The following MAOA variants were observed in gnomAD, a reference collection of about 807,000 sequenced individuals.
MAOA encodes the protein monoamine oxidase A.
Under a neutral mutation model 42.0 loss-of-function variants are expected in MAOA, and 6 were observed. The ratio of observed to expected loss-of-function variants is 0.14; its 90% confidence interval spans 0.08 to 0.28. The LOEUF (loss-of-function observed/expected upper bound fraction) is 0.28, where lower values mean the gene tolerates loss of function less well. Ranked by LOEUF, MAOA falls within the 10% of genes least tolerant of loss-of-function variation. The pLI, the probability that MAOA is intolerant of heterozygous loss-of-function variation, is 1.00. For synonymous variants in MAOA, 140 were observed against 154.0 expected, an observed-to-expected ratio of 0.91 and a Z score of 0.67; for missense variants, 262 against 422.3, an observed-to-expected ratio of 0.62 and a Z score of 3.33.
At chrX:43,730,487 CTTTTTTTTTT>C (rs1232538202) in intron 6 of MAOA, among the ~76,000 whole-genome samples, 12 of 84,786 alleles carry the variant, frequency 1.4e-4, no homozygotes, top group South Asian at 6.0e-4. Context: ...TATTCCGAAT[CTTTTTTTTTT>C]TTTTTTTTTT....
chrX:43,731,492 A>T (rs2033880201), intron 7 of MAOA, 102 bp downstream of exon 7: 3 of 976,640 alleles, frequency 3.1e-6, no homozygotes, highest in Middle Eastern at 3.3e-4. Context: ...TAATGCTGAC[A>T]TGTTTCCGCC....
intron 1 of MAOA, among the ~76,000 whole-genome samples, chrX:43,658,947 A>G (rs977515802): frequency 4.5e-5 from 5 of 111,461 alleles, no homozygotes; most frequent in South Asian, 3.8e-4. Flanking sequence ...GAATTACTTA[A>G]TAGTCCCTGT....
Position 43,740,542 on chromosome X carries a change from C to T in MAOA, c.1107-139C>T, listed in dbSNP as rs190589865. On this transcript the variant is annotated intron_variant, in intron 10 of 14. Transcript: ENST00000338702. ...ATGGAAATGTTCATTTGTGCAGTTACAGAAGGCCATGGATTTTAATTTATC... is the reference window on the plus strand; with the variant it reads ...ATGGAAATGTTCATTTGTGCAGTTATAGAAGGCCATGGATTTTAATTTATC... The T allele has an allele frequency of 5.7e-3, 2,583 of 455,977 alleles. 14 individuals carry two copies. The highest frequency in any genetic ancestry group is 7.4e-3 in the Non-Finnish European group (2,138 of 288,886). The allele number at this position is 455,977 out of a possible 1,213,427, so 37.6% of individuals were successfully genotyped here.
intron 9 of MAOA, among the ~76,000 whole-genome samples, chrX:43,735,518 C>A (rs2033913238): frequency 8.9e-6 from 1 of 112,399 alleles, no homozygotes; most frequent in Non-Finnish European, 1.9e-5. Context: ...GGGAAGCTGA[C>A]TCAGAGCTGG....
At chrX:43,742,073 A>T in intron 12 of MAOA, 26 bp downstream of exon 12, 2 of 1,210,651 alleles carry the variant, frequency 1.7e-6, no homozygotes, top group Non-Finnish European at 1.1e-6. Context: ...TACGCCAATT[A>T]ATCCAAGACC....
intron 1 of MAOA, among the ~76,000 whole-genome samples, chrX:43,660,709 C>T (rs1207929955): frequency 8.9e-6 from 1 of 111,754 alleles, no homozygotes; most frequent in Non-Finnish European, 1.9e-5. Context: ...GTAATCTGTA[C>T]TTAACAAACA....
chrX:43,655,778 A>G (rs2033173525), upstream of MAOA: 1 of 121,280 alleles, frequency 8.2e-6, no homozygotes, highest in East Asian at 2.3e-4. Context: ...ACCTTTCGCA[A>G]GTGTCAATAC....
intron 1 of MAOA, 96 bp from the exon 2 acceptor site, chrX:43,683,417 A>G (rs761023771): frequency 1.7e-5 from 11 of 629,999 alleles, no homozygotes; most frequent in East Asian, 1.7e-4. Context: ...ATTGGATTGT[A>G]TATGATACCC....
chrX:43,746,523 C>T lies in MAOA; in HGVS notation c.*2010C>T, dbSNP rs1459674480. On this transcript the variant is annotated 3_prime_UTR_variant, in exon 15 of 15. Transcript: ENST00000338702. ...CTGTTAAGGCATCCACTTCACAGTT[C>T]TGAAGGCTGAGTCAGCCCCACTCCA... 3 of 111,948 alleles carry T rather than the reference C, an allele frequency of 2.7e-5. No individual in the cohort carries two copies. Among genetic ancestry groups the T allele is most frequent in the African/African-American group, 9.8e-5 (3 of 30,753 alleles). The allele number at this position is 111,948 out of a possible 1,213,427, so 9.2% of individuals were successfully genotyped here. A position where few individuals can be genotyped will look rare whatever the true frequency, so the allele number is the denominator to read the frequency against.
intron 5 of MAOA, among the ~76,000 whole-genome samples, chrX:43,723,481 C>T (rs963433104): frequency 1.2e-4 from 13 of 111,571 alleles, no homozygotes; most frequent in African/African-American, 4.2e-4. Context: ...CATGATTTGG[C>T]TCTCTGTCTG....
rs145946951 is a variant in MAOA, at chrX:43,716,004, T to C, written c.503+3208T>C. On this transcript the variant is annotated intron_variant, in intron 5 of 14. Transcript: ENST00000338702. ...AGATGGGTGGTATAGAGAGATGGTA[T>C]CTTCCAGGAATGACCCACAGGGGCA... 5.9e-3 allele frequency among the ~76,000 whole-genome samples: 639 copies of C among 109,198 alleles called. 4 individuals are homozygous for C. The highest frequency in any genetic ancestry group is 0.02 in the African/African-American group (584 of 29,877). 94.8% of individuals were successfully genotyped at this position (109,198 alleles called of 115,157 possible). A position where few individuals can be genotyped will look rare whatever the true frequency, so the allele number is the denominator to read the frequency against.
intron 11 of MAOA, 38 bp from the exon 12 acceptor site, chrX:43,741,912 G>C: frequency 8.3e-7 from 1 of 1,209,519 alleles, no homozygotes; most frequent in African/African-American, 1.7e-5. Context: ...TTTCAGCTTT[G>C]TTTTCTCTTT....
At chrX:43,664,033 G>A (rs1447615156) in intron 1 of MAOA, among the ~76,000 whole-genome samples, 6 of 112,221 alleles carry the variant, frequency 5.3e-5, no homozygotes, top group African/African-American at 1.9e-4. Flanking sequence ...CCTCTTCTGC[G>A]TCACTGTCCT....
At chrX:43,731,598 T>G in intron 7 of MAOA, 96 bp from the exon 8 acceptor site, 1 of 950,962 alleles carries the variant, frequency 1.1e-6, no homozygotes, top group Non-Finnish European at 1.5e-6. Flanking sequence ...TTTTTACTGC[T>G]CAATGTTGTT....
intron 1 of MAOA, among the ~76,000 whole-genome samples, chrX:43,661,619 G>T (rs1156419107): frequency 9.0e-6 from 1 of 111,113 alleles, no homozygotes; most frequent in Non-Finnish European, 1.9e-5. Flanking sequence ...TGTGATCCTG[G>T]TAGCTATTGA....
intron 3 of MAOA, among the ~76,000 whole-genome samples, chrX:43,709,218 C>G (rs1332341017): frequency 9.0e-6 from 1 of 110,751 alleles, no homozygotes; most frequent in African/African-American, 3.3e-5. Context: ...AGATTTTCCT[C>G]TTTCCTTGAA....
At chrX:43,730,194 CAA>C (rs1219771036) in intron 6 of MAOA, among the ~76,000 whole-genome samples, 5 of 38,119 alleles carry the variant, frequency 1.3e-4, no homozygotes, top group African/African-American at 2.1e-4. Flanking sequence ...AACTCCGTCT[CAA>C]AAAAAAAAAA....
chrX:43,731,533 C>A, intron 7 of MAOA, 143 bp downstream of exon 7: 1 of 866,352 alleles, frequency 1.2e-6, no homozygotes. Context: ...CCTTGGTTGA[C>A]CTACCTTGAT....
chrX:43,703,185 C>T (rs192638333), intron 3 of MAOA, among the ~76,000 whole-genome samples: 1 of 111,692 alleles, frequency 9.0e-6, no homozygotes, highest in Non-Finnish European at 1.9e-5. Context: ...GGTTATAAAG[C>T]CATCACTGAA....
Sources: gnomAD v4.1 joint callset for allele counts (sites outside exome capture counted in the v4.1 genomes callset) on GRCh38, gnomAD v4.1.1 for gene constraint, MANE v1.5 for transcripts, NCBI Gene and HGNC (gene_info 2026-07-23, HGNC 2026-07-21) for gene names.